Variants in KCNMB2 observed in about 807,000 individuals in gnomAD.
The protein encoded by KCNMB2 is potassium calcium-activated channel subfamily M regulatory beta subunit 2, also known as calcium-activated potassium channel subunit beta-2.
A neutral mutation model predicts 24.5 loss-of-function variants in KCNMB2; 9 were observed. The observed-to-expected ratio is 0.37, with a 90% confidence interval of 0.22 to 0.64. The LOEUF is 0.64. Among genes scored for constraint, KCNMB2 ranks in the 30% least tolerant of loss-of-function variants. The pLI, the probability that KCNMB2 is intolerant of heterozygous loss-of-function variation, is 0.63. For synonymous variants in KCNMB2, 109 were observed against 104.4 expected (o/e 1.04, Z -0.27); for missense variants, 226 against 284.3 (o/e 0.79, Z 1.47).
At chr3:178,704,197 C>T (rs1722201374) in intron 1 of KCNMB2, among the ~76,000 whole-genome samples, 1 of 151,982 alleles carries the variant, frequency 6.6e-6, no homozygotes, top group Admixed American at 6.6e-5. Context: ...GTTTGATTTG[C>T]TATGTAAATC....
intron 1 of KCNMB2, among the ~76,000 whole-genome samples, chr3:178,685,833 C>T (rs1363315973): frequency 1.3e-5 from 2 of 152,106 alleles, no homozygotes; most frequent in East Asian, 1.9e-4. Flanking sequence ...TTTAATAGTT[C>T]AGTTAATACC....
In KCNMB2 at chr3:178,712,947, T is replaced by C. The variant is rs1343288874; in HGVS notation, c.-67-94396T>C. ...TAGAAAGTTAAAGCAACTGGCAAAC[T>C]CATAGCCCTAGCCCACAGGGGGCTG... On this transcript the variant is annotated intron_variant, in intron 1 of 4. Transcript: ENST00000452583. Among the ~76,000 whole-genome samples the C allele has an allele frequency of 2.0e-5, 3 of 152,222 alleles. No homozygotes were observed. The East Asian group carries it at 5.8e-4, about 29-fold the overall frequency.
At chr3:178,657,052 T>C (rs1223604661) in intron 1 of KCNMB2, among the ~76,000 whole-genome samples, 1 of 152,154 alleles carries the variant, frequency 6.6e-6, no homozygotes, top group African/African-American at 2.4e-5. Flanking sequence ...TCTCTGTCTC[T>C]CAGTACCTCA....
chr3:178,616,367 T>C (rs944991101), intron 1 of KCNMB2, among the ~76,000 whole-genome samples: 1 of 152,208 alleles, frequency 6.6e-6, no homozygotes, highest in African/African-American at 2.4e-5. Flanking sequence ...TCAGAAATGG[T>C]GCTCTGGCTA....
intron 2 of KCNMB2, among the ~76,000 whole-genome samples, chr3:178,823,521 TAAG>T (rs992827548): frequency 1.9e-4 from 29 of 152,146 alleles, no homozygotes; most frequent in Non-Finnish European, 2.9e-4. Context: ...AAAATAATAA[TAAG>T]AAGAAGCTAA....
At chr3:178,626,763 AT>A (rs1343936142) in intron 1 of KCNMB2, among the ~76,000 whole-genome samples, 1 of 151,930 alleles carries the variant, frequency 6.6e-6, no homozygotes. Flanking sequence ...TCAAGATGAG[AT>A]TTGGGTGGGG....
At chr3:178,824,579 T>C in intron 2 of KCNMB2, 1 of 167,632 alleles carries the variant, frequency 6.0e-6, no homozygotes, top group Non-Finnish European at 1.3e-5. Flanking sequence ...TTTCACCATG[T>C]TAGCCAGGAT....
intron 1 of KCNMB2, among the ~76,000 whole-genome samples, chr3:178,778,428 A>T (rs1317193013): frequency 6.6e-6 from 1 of 150,506 alleles, no homozygotes; most frequent in Non-Finnish European, 1.5e-5. Flanking sequence ...AATGTCAAAT[A>T]TATTATGCCT....
intron 1 of KCNMB2, among the ~76,000 whole-genome samples, chr3:178,591,114 C>A (rs112743751): frequency 3.3e-3 from 504 of 152,166 alleles, no homozygotes; most frequent in African/African-American, 0.011. Context: ...ATTTCATAAG[C>A]CACATTTTGG....
At chr3:178,802,698 T>G (rs1441659227) in intron 1 of KCNMB2, among the ~76,000 whole-genome samples, 1 of 152,152 alleles carries the variant, frequency 6.6e-6, no homozygotes, top group African/African-American at 2.4e-5. Flanking sequence ...CAGGCACCAG[T>G]ATTTTTTAAA....
chr3:178,603,886 A>G (rs571691993), intron 1 of KCNMB2, among the ~76,000 whole-genome samples: 16 of 152,304 alleles, frequency 1.1e-4, no homozygotes, highest in Admixed American at 3.3e-4. Context: ...TGAAACTGAC[A>G]TTGCACATAT....
intron 1 of KCNMB2, among the ~76,000 whole-genome samples, chr3:178,607,584 T>C (rs967036641): frequency 4.6e-5 from 7 of 152,052 alleles, no homozygotes; most frequent in African/African-American, 1.7e-4. Flanking sequence ...TAAATGCAAT[T>C]GTCAATTTAA....
chr3:178,814,138 C>T (rs1225512440), intron 2 of KCNMB2, among the ~76,000 whole-genome samples: 1 of 152,094 alleles, frequency 6.6e-6, no homozygotes, highest in Non-Finnish European at 1.5e-5. Context: ...TTTTTCAACT[C>T]TTTTTTCCTC....
intron 1 of KCNMB2, among the ~76,000 whole-genome samples, chr3:178,578,795 A>G (rs1717090045): frequency 6.6e-6 from 1 of 152,242 alleles, no homozygotes; most frequent in African/African-American, 2.4e-5. Flanking sequence ...ACATAAAGGT[A>G]AAGAGATCAA....
At chr3:178,813,948 C>CGTTGTTGTTGTTGTTGTT (rs201495357) in intron 2 of KCNMB2, among the ~76,000 whole-genome samples, 1 of 149,470 alleles carries the variant, frequency 6.7e-6, no homozygotes, top group Non-Finnish European at 1.5e-5. Flanking sequence ...AACTTCACTA[C>CGTTGTTGTTGTTGTTGTT]GTTGTTGTTG....
chr3:178,662,423 A>G (rs1289964305), intron 1 of KCNMB2, among the ~76,000 whole-genome samples: 1 of 152,200 alleles, frequency 6.6e-6, no homozygotes, highest in African/African-American at 2.4e-5. Context: ...CAAGATAAAT[A>G]TGATGTAAAC....
chr3:178,753,643 T>C (rs995629509), intron 1 of KCNMB2, among the ~76,000 whole-genome samples: 6 of 152,164 alleles, frequency 3.9e-5, no homozygotes, highest in African/African-American at 7.2e-5. Context: ...AGATGGAATA[T>C]AGAAAATTCC....
At chr3:178,798,819 C>T (rs1172272483) in intron 1 of KCNMB2, among the ~76,000 whole-genome samples, 1 of 151,862 alleles carries the variant, frequency 6.6e-6, no homozygotes, top group Non-Finnish European at 1.5e-5. Context: ...CAGCAAACCA[C>T]CATGGCACAT....
intron 1 of KCNMB2, among the ~76,000 whole-genome samples, chr3:178,590,555 C>G (rs749223902): frequency 3.3e-5 from 5 of 152,134 alleles, no homozygotes; most frequent in African/African-American, 7.2e-5. Context: ...TAATAGCTGA[C>G]ATTTATTGGG....
Sources: allele counts gnomAD v4.1 joint callset (sites outside exome capture counted in the v4.1 genomes callset), GRCh38; gene constraint gnomAD v4.1.1; transcripts MANE v1.5; gene names NCBI Gene and HGNC (gene_info 2026-07-23, HGNC 2026-07-21).